The following BBX variants were observed in gnomAD, a reference collection of about 807,000 sequenced individuals.
BBX encodes HMG box transcription factor BBX.
Under a neutral mutation model 100.2 loss-of-function variants are expected in BBX, and 30 were observed. That is an observed-to-expected ratio of 0.30 (90% confidence interval 0.22 to 0.41). The LOEUF is 0.41. Ranked by LOEUF, BBX falls within the 10% of genes least tolerant of loss-of-function variation. The probability of loss-of-function intolerance (pLI) is 1.00; values close to 1 mark genes in which losing one functional copy is unlikely to be tolerated. For missense variants in BBX, 1,023 were observed against 1,129.8 expected (o/e 0.91, Z 1.35); for synonymous variants, 376 against 388.1 (o/e 0.97, Z 0.37).
intron 2 of BBX, among the ~76,000 whole-genome samples, chr3:107,594,941 T>C (rs1168042887): frequency 2.7e-5 from 4 of 149,144 alleles, no homozygotes; most frequent in Non-Finnish European, 4.4e-5. Flanking sequence ...CTCACAGTTA[T>C]TATGTTGTCT....
chr3:107,762,217 A>T (rs1358192796), intron 10 of BBX, among the ~76,000 whole-genome samples: 5 of 152,162 alleles, frequency 3.3e-5, no homozygotes, highest in Admixed American at 3.3e-4. Context: ...ACTTTAGTAG[A>T]TGGGCTTATG....
intron 10 of BBX, among the ~76,000 whole-genome samples, chr3:107,763,128 C>A (rs1219531630): frequency 6.6e-6 from 1 of 152,058 alleles, no homozygotes; most frequent in Non-Finnish European, 1.5e-5. Context: ...CTAAAAAGTC[C>A]AAAATCTGAG....
intron 6 of BBX, among the ~76,000 whole-genome samples, chr3:107,732,333 AAG>A (rs1475112478): frequency 3.9e-5 from 6 of 152,202 alleles, no homozygotes; most frequent in African/African-American, 1.4e-4. Context: ...ATAACATAAA[AAG>A]CATTAATTTT....
intron 5 of BBX, among the ~76,000 whole-genome samples, chr3:107,724,475 C>T (rs1261717437): frequency 2.6e-5 from 4 of 152,078 alleles, no homozygotes; most frequent in African/African-American, 9.7e-5. Context: ...GACATGAAGT[C>T]CTTGCCCATG....
chr3:107,555,039 G>A (rs1251108941), intron 2 of BBX, among the ~76,000 whole-genome samples: 4 of 152,088 alleles, frequency 2.6e-5, no homozygotes, highest in Non-Finnish European at 5.9e-5. Flanking sequence ...TTGCACTCCA[G>A]CCTGGGCAAC....
chr3:107,733,726 C>G (rs1228516155), intron 7 of BBX, among the ~76,000 whole-genome samples: 1 of 152,126 alleles, frequency 6.6e-6, no homozygotes, highest in Non-Finnish European at 1.5e-5. Flanking sequence ...TCTTAGCCTC[C>G]CAAAGTTCTG....
chr3:107,523,436 A>C (rs1032960393), intron 1 of BBX: 1 of 152,844 alleles, frequency 6.5e-6, no homozygotes, highest in Non-Finnish European at 1.5e-5. Context: ...GTGCCCTGCG[A>C]GCGGGAGGCT....
intron 5 of BBX, among the ~76,000 whole-genome samples, chr3:107,717,356 A>G (rs1576479838): frequency 6.6e-6 from 1 of 152,148 alleles, no homozygotes; most frequent in East Asian, 1.9e-4. Flanking sequence ...GGCCATATCC[A>G]TAAGTCAACA....
chr3:107,536,519 G>A lies in BBX; in HGVS notation c.-84+10121G>A, dbSNP rs556653085. Reference sequence around the variant, plus strand: ...GAACAATGGTTTTCCGAAGGCGCTCGTCTTTTGTTTGTTGTGTTTCATTCC... The same window carrying A: ...GAACAATGGTTTTCCGAAGGCGCTCATCTTTTGTTTGTTGTGTTTCATTCC... On this transcript the variant is annotated intron_variant, in intron 2 of 17. Coordinates refer to ENST00000325805, the MANE Select transcript of BBX (RefSeq NM_001142568.3). 1.2e-3 allele frequency among the ~76,000 whole-genome samples: 178 copies of A among 152,148 alleles called. 4 individuals are homozygous for A. The highest frequency in any genetic ancestry group is 2.7e-3 in the South Asian group (13 of 4,824).
chr3:107,590,268 T>C (rs2107587701), intron 2 of BBX, among the ~76,000 whole-genome samples: 1 of 152,320 alleles, frequency 6.6e-6, no homozygotes, highest in East Asian at 1.9e-4. Flanking sequence ...TTTTTATTGA[T>C]ATGTAGTGAC....
intron 2 of BBX, among the ~76,000 whole-genome samples, chr3:107,551,897 T>A (rs1395189839): frequency 6.6e-6 from 1 of 152,204 alleles, no homozygotes; most frequent in East Asian, 1.9e-4. Flanking sequence ...ACTATTATCC[T>A]TTTTCATGTA....
chr3:107,562,436 C>CT (rs201231141), intron 2 of BBX, among the ~76,000 whole-genome samples: 14 of 151,450 alleles, frequency 9.2e-5, no homozygotes, highest in South Asian at 6.3e-4. Flanking sequence ...ATTTAATGTG[C>CT]TTTTTTTTAA....
chr3:107,701,476 T>A (rs1056324716), intron 3 of BBX, among the ~76,000 whole-genome samples: 1 of 152,216 alleles, frequency 6.6e-6, no homozygotes, highest in Admixed American at 6.5e-5. Flanking sequence ...GTAGCAAATG[T>A]TCAATAAAAT....
At chr3:107,701,930 G>T (rs1246290053) in intron 3 of BBX, among the ~76,000 whole-genome samples, 3 of 152,146 alleles carry the variant, frequency 2.0e-5, no homozygotes, top group African/African-American at 7.2e-5. Context: ...TGTCTAGCTA[G>T]CATTGTCACA....
At chr3:107,722,791 A>G (rs2062636881) in intron 5 of BBX, among the ~76,000 whole-genome samples, 1 of 152,036 alleles carries the variant, frequency 6.6e-6, no homozygotes, top group Non-Finnish European at 1.5e-5. Flanking sequence ...AATTCAGATC[A>G]GATAATGCAT....
chr3:107,768,718 TAA>T (rs2066600308), intron 10 of BBX, among the ~76,000 whole-genome samples: 1 of 145,864 alleles, frequency 6.9e-6, no homozygotes, highest in African/African-American at 2.6e-5. Flanking sequence ...TACATGACAG[TAA>T]ACCCAATACA....
intron 13 of BBX, among the ~76,000 whole-genome samples, chr3:107,787,914 G>T (rs770722610): frequency 1.6e-4 from 24 of 152,176 alleles, no homozygotes; most frequent in Non-Finnish European, 3.1e-4. Flanking sequence ...CATGTGCAGA[G>T]GACTGCCAGG....
chr3:107,784,139 T>C (rs2068180999), intron 13 of BBX, among the ~76,000 whole-genome samples: 1 of 151,980 alleles, frequency 6.6e-6, no homozygotes, highest in Non-Finnish European at 1.5e-5. Flanking sequence ...CCTACTGCCA[T>C]CAAGATTACA....
Position 107,810,858 on chromosome 3 carries a change from T to G in BBX, c.*5401T>G, listed in dbSNP as rs2071256912. The G allele has an allele frequency of 6.6e-6, 1 of 152,238 alleles. No individual in the cohort carries two copies. The highest frequency in any genetic ancestry group is 1.5e-5 in the Non-Finnish European group (1 of 68,032). The allele number at this position is 152,238 out of a possible 1,614,324, so 9.4% of individuals were successfully genotyped here. A position where few individuals can be genotyped will look rare whatever the true frequency, so the allele number is the denominator to read the frequency against. ...ATGTCATAAATTAACCACAGCTTCA[T>G]TTGACCACCAGGTCTAAAGTCTGTT... On this transcript the variant is annotated 3_prime_UTR_variant, in exon 18 of 18. Transcript: ENST00000325805.
Sources: allele counts gnomAD v4.1 joint callset (sites outside exome capture counted in the v4.1 genomes callset), GRCh38; gene constraint gnomAD v4.1.1; transcripts MANE v1.5; gene names NCBI Gene and HGNC (gene_info 2026-07-23, HGNC 2026-07-21).